LIPK: variants seen among roughly 807,000 people sequenced by gnomAD.
LIPK encodes the protein lipase family member K, also known as lipase member K.
LIPK carries 32 observed loss-of-function variants against 48.6 expected under a neutral mutation model. The observed-to-expected ratio is 0.66, with a 90% CI of 0.50 to 0.88. LIPK has a LOEUF of 0.88. Among genes scored for constraint, LIPK ranks in the 40% least tolerant of loss-of-function variants. LIPK has a pLI of 0.00. For synonymous variants in LIPK, 164 were observed against 157.4 expected (o/e 1.04, Z -0.32); for missense variants, 507 against 478.5 (o/e 1.06, Z -0.56).
At chr10:88,707,661 C>A (rs2134672214) in intron 1 of LIPK, among the ~76,000 whole-genome samples, 1 of 152,208 alleles carries the variant, frequency 6.6e-6, no homozygotes, top group Non-Finnish European at 1.5e-5. Context: ...TTGAAAATTC[C>A]ATCAAAGTTG....
chr10:88,741,375 C>A (rs537427204), intron 8 of LIPK, among the ~76,000 whole-genome samples: 93 of 152,160 alleles, frequency 6.1e-4, no homozygotes, highest in African/African-American at 1.9e-3. Context: ...CAGGCATGCA[C>A]CACCATGCCC....
In LIPK at chr10:88,726,847, CAA is replaced by C. The variant is rs780273533; in HGVS notation, c.161_162del (p.Lys54ArgfsTer9). 2 of 1,608,734 alleles carry C rather than the reference CAA, an allele frequency of 1.2e-6. No individual in the cohort carries two copies. Among genetic ancestry groups the C allele is most frequent in the South Asian group, 2.2e-5 (2 of 90,350 alleles). On this transcript the variant is annotated frameshift_variant, in exon 3 of 10. Coordinates refer to ENST00000404190, the MANE Select transcript of LIPK (RefSeq NM_001080518.2). LOFTEE classifies it high-confidence loss of function. ...CCTTATGAAGAGTATGATGTTACAA[CAA>C]AAGATGGTTATATCCTTGGAATTTA...
intron 1 of LIPK, among the ~76,000 whole-genome samples, chr10:88,714,203 G>A (rs2134687623): frequency 6.6e-6 from 1 of 152,136 alleles, no homozygotes; most frequent in African/African-American, 2.4e-5. Context: ...ATCTGATTGA[G>A]TTCCTTTTCA....
At chr10:88,740,118 C>A in intron 8 of LIPK, 51 bp downstream of exon 8, 1 of 1,429,990 alleles carries the variant, frequency 7.0e-7, no homozygotes, top group South Asian at 1.2e-5. Flanking sequence ...GCAAGACCCT[C>A]AAGAAGTGCT....
intron 3 of LIPK, among the ~76,000 whole-genome samples, chr10:88,730,767 C>T (rs1410192934): frequency 6.6e-6 from 1 of 152,188 alleles, no homozygotes; most frequent in Non-Finnish European, 1.5e-5. Context: ...TAATACAATA[C>T]ATTGTATATA....
At chr10:88,725,750 T>C (rs1043541353) in intron 2 of LIPK, among the ~76,000 whole-genome samples, 1 of 152,228 alleles carries the variant, frequency 6.6e-6, no homozygotes, top group Non-Finnish European at 1.5e-5. Context: ...ACGCAGAAGA[T>C]ACCAGTAATC....
At chr10:88,743,402 C>G in intron 9 of LIPK, 81 bp downstream of exon 9, 1 of 1,003,480 alleles carries the variant, frequency 1.0e-6, no homozygotes. Context: ...GCACCTGCCA[C>G]TTCCATTTAA....
Position 88,731,029 on chromosome 10 carries a change from C to G in LIPK, c.270C>G (p.Ala90=). 6.3e-7 allele frequency: 1 copy of G among 1,596,800 alleles called. No homozygotes were observed. The highest frequency in any genetic ancestry group is 8.5e-7 in the Non-Finnish European group (1 of 1,170,930). ...TGCAGCATGGCTTAATTGCATCTGCCAGTAACTGGATTTGCAACCTGCCCA... is the reference window on the plus strand; with the variant it reads ...TGCAGCATGGCTTAATTGCATCTGCGAGTAACTGGATTTGCAACCTGCCCA... ...VYLQHGLIAS[A]SNWICNLPNN... The change falls in exon 4 of 10, where the codon GCC becomes GCG. Residue 90 remains alanine, a synonymous_variant. Coordinates refer to ENST00000404190, the MANE Select transcript of LIPK (RefSeq NM_001080518.2).
chr10:88,715,615 T>C (rs1020900286), intron 1 of LIPK, among the ~76,000 whole-genome samples: 2 of 152,072 alleles, frequency 1.3e-5, no homozygotes, highest in Non-Finnish European at 1.5e-5. Flanking sequence ...TTTTTTAGAG[T>C]ATTTTCTGTA....
intron 1 of LIPK, among the ~76,000 whole-genome samples, chr10:88,723,379 G>T (rs958245528): frequency 6.6e-6 from 1 of 151,990 alleles, no homozygotes; most frequent in African/African-American, 2.4e-5. Flanking sequence ...ATATTAACCT[G>T]TATTAATTTA....
intron 1 of LIPK, among the ~76,000 whole-genome samples, chr10:88,714,296 T>A (rs879289605): frequency 3.3e-4 from 50 of 152,224 alleles, no homozygotes; most frequent in Non-Finnish European, 6.0e-4. Context: ...ACTGATCATT[T>A]TAAACTATTT....
At chr10:88,722,512 G>GC (rs1187427558) in intron 1 of LIPK, among the ~76,000 whole-genome samples, 3 of 152,170 alleles carry the variant, frequency 2.0e-5, no homozygotes, top group Non-Finnish European at 2.9e-5. Context: ...GCTGGGCCAA[G>GC]CCCCCTCAAT....
intron 6 of LIPK, among the ~76,000 whole-genome samples, chr10:88,735,339 C>T (rs575170917): frequency 1.4e-3 from 214 of 152,192 alleles, no homozygotes; most frequent in African/African-American, 4.4e-3. Context: ...TTGCTTTTGA[C>T]GTGTCTCTAC....
chr10:88,731,992 T>C (rs527526766), intron 4 of LIPK, among the ~76,000 whole-genome samples, 186 bp from the exon 5 acceptor site: 1 of 152,378 alleles, frequency 6.6e-6, no homozygotes, highest in Non-Finnish European at 1.5e-5. Flanking sequence ...TTTCAGTTTC[T>C]TAAAAATGTT....
intron 8 of LIPK, among the ~76,000 whole-genome samples, chr10:88,740,419 T>C (rs1564568924): frequency 6.6e-6 from 1 of 152,246 alleles, no homozygotes; most frequent in Non-Finnish European, 1.5e-5. Flanking sequence ...CTGTTCATCC[T>C]CCAATCAATA....
chr10:88,723,131 C>T (rs1225347531), intron 1 of LIPK, among the ~76,000 whole-genome samples: 3 of 152,072 alleles, frequency 2.0e-5, no homozygotes, highest in African/African-American at 7.2e-5. Flanking sequence ...GTGATCAGCC[C>T]GTCTCAGCCT....
intron 6 of LIPK, among the ~76,000 whole-genome samples, chr10:88,735,806 A>G (rs927157374): frequency 3.3e-5 from 5 of 152,224 alleles, no homozygotes; most frequent in African/African-American, 1.2e-4. Context: ...GCTACTCTGT[A>G]TATGGGTGCT....
At chr10:88,706,777 T>A (rs1841943242) in intron 1 of LIPK, among the ~76,000 whole-genome samples, 1 of 152,176 alleles carries the variant, frequency 6.6e-6, no homozygotes, top group Non-Finnish European at 1.5e-5. Flanking sequence ...ATCAGGGTCA[T>A]CTGCAGGGGA....
At chr10:88,709,650 A>T (rs1321152217) in intron 1 of LIPK, among the ~76,000 whole-genome samples, 3 of 151,162 alleles carry the variant, frequency 2.0e-5, no homozygotes, top group African/African-American at 4.9e-5. Context: ...TTTTTTTTTA[A>T]GCAAAGAATT....
Sources: allele counts gnomAD v4.1 joint callset (sites outside exome capture counted in the v4.1 genomes callset), GRCh38; gene constraint gnomAD v4.1.1; transcripts MANE v1.5; gene names NCBI Gene and HGNC (gene_info 2026-07-23, HGNC 2026-07-21).